ELF2: variants seen among roughly 807,000 people sequenced by gnomAD.
ELF2 encodes ETS-related transcription factor Elf-2.
ELF2 carries 11 observed loss-of-function variants against 54.8 expected under a neutral mutation model. The ratio of observed to expected loss-of-function variants is 0.20; its 90% CI spans 0.13 to 0.33. The LOEUF (loss-of-function observed/expected upper bound fraction) is 0.33, where lower values mean the gene tolerates loss of function less well. Among genes scored for constraint, ELF2 ranks in the 10% least tolerant of loss-of-function variants. The pLI is 1.00. For synonymous variants in ELF2, 203 were observed against 245.1 expected, an observed-to-expected ratio of 0.83 and a Z score of 1.61; for missense variants, 513 against 703.0, an observed-to-expected ratio of 0.73 and a Z score of 3.06.
intron 4 of ELF2, among the ~76,000 whole-genome samples, chr4:139,084,999 G>GA (rs1404806197): frequency 1.3e-5 from 2 of 152,068 alleles, no homozygotes; most frequent in African/African-American, 4.8e-5. Flanking sequence ...CCAACCTCTG[G>GA]AGATGAGACT....
rs1411919608 is a variant in ELF2 at position 139,115,228 on chromosome 4, G to A, written c.238+9936C>T. 3.1e-6 allele frequency: 5 copies of A among 1,610,848 alleles called. No homozygotes were observed. The African/African-American group carries it at 6.7e-5, about 22-fold the overall frequency. On this transcript the variant is annotated intron_variant, in intron 4 of 9. Coordinates refer to ENST00000686138, the MANE Select transcript of ELF2 (RefSeq NM_001331036.3). Reference sequence around the variant, plus strand: ...GGTGACCTTCCCTTGGCGCCTCACTGGGCCCTCATCGTCCGCGCCGCCCGG... The same window carrying A: ...GGTGACCTTCCCTTGGCGCCTCACTAGGCCCTCATCGTCCGCGCCGCCCGG...
intron 4 of ELF2, among the ~76,000 whole-genome samples, chr4:139,083,193 G>A (rs996714885): frequency 1.3e-5 from 2 of 151,798 alleles, no homozygotes; most frequent in African/African-American, 2.4e-5. Flanking sequence ...GGGGGGGGTA[G>A]AGGGGAAGGG....
At chr4:139,067,993 G>A (rs548418197) in intron 6 of ELF2, among the ~76,000 whole-genome samples, 9 of 151,642 alleles carry the variant, frequency 5.9e-5, no homozygotes, top group Non-Finnish European at 1.2e-4. Flanking sequence ...GCAGAGCCTC[G>A]ATTGCCATAT....
intron 1 of ELF2, among the ~76,000 whole-genome samples, chr4:139,143,548 C>T (rs1467276335): frequency 6.6e-6 from 1 of 152,116 alleles, no homozygotes; most frequent in Non-Finnish European, 1.5e-5. Context: ...TTTGGGAGGC[C>T]AAGGTGGGCC....
intron 1 of ELF2, among the ~76,000 whole-genome samples, chr4:139,169,346 TAAAAA>T (rs61462829): frequency 1.3e-5 from 1 of 77,498 alleles, no homozygotes; most frequent in African/African-American, 4.6e-5. Context: ...GGACTACATT[TAAAAA>T]AAAAAAAAAA....
rs1044144461 is a variant in ELF2 at position 139,058,405 on chromosome 4, ATG to A, written c.*576_*577del. On this transcript the variant is annotated 3_prime_UTR_variant, in exon 10 of 10. Transcript: ENST00000686138. ...TAAGCTATATGATATATATATATGT[ATG>A]TATATATATATATATATATATATAA... 3 of 83,944 alleles carry A rather than the reference ATG, an allele frequency of 3.6e-5. No homozygotes were observed. In the South Asian group the frequency reaches 1.1e-3, roughly 32 times the overall value. 5.2% of individuals were successfully genotyped at this position (83,944 alleles called of 1,614,324 possible).
intron 7 of ELF2, 38 bp from the exon 8 acceptor site, chr4:139,062,095 AACATAATTAAAT>A (rs752331285): frequency 3.9e-6 from 6 of 1,557,004 alleles, no homozygotes; most frequent in East Asian, 4.5e-5. Context: ...AAAATTCATT[AACATAATTAAAT>A]ACATAATTAA....
chr4:139,149,744 A>G (rs1739665716), intron 1 of ELF2, among the ~76,000 whole-genome samples: 1 of 152,212 alleles, frequency 6.6e-6, no homozygotes, highest in East Asian at 1.9e-4. Flanking sequence ...AAATTCCTTG[A>G]AAAAAATTCT....
At chr4:139,099,745 T>G (rs1385885133) in intron 4 of ELF2, among the ~76,000 whole-genome samples, 2 of 152,198 alleles carry the variant, frequency 1.3e-5, no homozygotes, top group Non-Finnish European at 2.9e-5. Context: ...TGGAAGGTAT[T>G]TACTACCTAA....
chr4:139,114,184 C>A (rs1297618100), intron 4 of ELF2, among the ~76,000 whole-genome samples: 1 of 152,006 alleles, frequency 6.6e-6, no homozygotes, highest in Non-Finnish European at 1.5e-5. Flanking sequence ...TCTATATACT[C>A]CATAATTTGA....
chr4:139,169,553 T>C (rs1742059251), intron 1 of ELF2, among the ~76,000 whole-genome samples: 1 of 151,876 alleles, frequency 6.6e-6, no homozygotes, highest in Non-Finnish European at 1.5e-5. Context: ...ATCTTCCTCA[T>C]TTTTCCTTTA....
At chr4:139,090,299 C>T (rs76706886) in intron 4 of ELF2, among the ~76,000 whole-genome samples, 2,183 of 152,232 alleles carry the variant, frequency 0.014, 25 homozygotes, top group Non-Finnish European at 0.022. Flanking sequence ...GGCAGAGTTA[C>T]GATTTTTCTC....
Position 139,164,018 on chromosome 4 carries a change from G to T in ELF2, c.-252+12949C>A, listed in dbSNP as rs141470986. 1.7e-3 allele frequency among the ~76,000 whole-genome samples: 252 copies of T among 149,770 alleles called. 1 individual carries two copies. The highest frequency in any genetic ancestry group is 5.9e-3 in the African/African-American group (242 of 40,682). ...GGAAAGGAAAGGGGCAAGGGCAAGA[G>T]AAAGAGAAAGAGAAGGAAGGGAGGC... On this transcript the variant is annotated intron_variant, in intron 1 of 9. Coordinates refer to ENST00000686138, the MANE Select transcript of ELF2 (RefSeq NM_001331036.3).
At chr4:139,116,909 A>G (rs762863664) in intron 4 of ELF2, 10 of 161,534 alleles carry the variant, frequency 6.2e-5, no homozygotes, top group East Asian at 1.9e-4. Context: ...CTTATTTTTC[A>G]TGAAGGAAAT....
intron 1 of ELF2, among the ~76,000 whole-genome samples, chr4:139,141,388 G>A (rs533482475): frequency 2.0e-5 from 3 of 152,052 alleles, no homozygotes; most frequent in Admixed American, 2.0e-4. Context: ...TTTATACGAA[G>A]GACTTCATAT....
intron 1 of ELF2, among the ~76,000 whole-genome samples, chr4:139,153,388 T>C (rs781675341): frequency 3.3e-5 from 5 of 152,124 alleles, no homozygotes; most frequent in South Asian, 2.1e-4. Context: ...TGAGCTGAGA[T>C]TGTGCCACTG....
chr4:139,066,653 G>A (rs1728750595), intron 7 of ELF2: 1 of 151,634 alleles, frequency 6.6e-6, no homozygotes, highest in African/African-American at 2.4e-5. Context: ...CTGGGAGTGT[G>A]AGGCCGGAGG....
intron 4 of ELF2, among the ~76,000 whole-genome samples, chr4:139,120,267 T>C (rs1174233514): frequency 6.6e-6 from 1 of 152,170 alleles, no homozygotes; most frequent in African/African-American, 2.4e-5. Flanking sequence ...TTATATGTCA[T>C]GTAAGATAAT....
At chr4:139,092,651 C>T (rs1732796899) in intron 4 of ELF2, among the ~76,000 whole-genome samples, 1 of 151,616 alleles carries the variant, frequency 6.6e-6, no homozygotes, top group African/African-American at 2.4e-5. Context: ...AATACAAAAA[C>T]TTAGCCAGAC....
Sources: gnomAD v4.1 joint callset for allele counts (sites outside exome capture counted in the v4.1 genomes callset) on GRCh38, gnomAD v4.1.1 for gene constraint, MANE v1.5 for transcripts, NCBI Gene and HGNC (gene_info 2026-07-23, HGNC 2026-07-21) for gene names.